Variants in NUB1 observed in about 807,000 individuals in gnomAD.
The protein encoded by NUB1 is negative regulator of ubiquitin like proteins 1.
A neutral mutation model predicts 77.1 loss-of-function variants in NUB1; 41 were observed. The ratio of observed to expected loss-of-function variants is 0.53; its 90% CI spans 0.41 to 0.69. NUB1 has a LOEUF of 0.69. Among genes scored for constraint, NUB1 ranks in the 30% least tolerant of loss-of-function variants. The probability of loss-of-function intolerance (pLI) is 0.00; values close to 1 mark genes in which losing one functional copy is unlikely to be tolerated. For missense variants in NUB1, 643 were observed against 743.8 expected, an observed-to-expected ratio of 0.86 and a Z score of 1.58; for synonymous variants, 257 against 281.0, an observed-to-expected ratio of 0.91 and a Z score of 0.85.
At position 151,355,950 on chromosome 7, in the gene NUB1, G is replaced by T; in HGVS notation, c.598G>T (p.Ala200Ser). ...KRGLEILAKRAAETVVDPEMT... is the reference protein window; with the variant it reads ...KRGLEILAKRSAETVVDPEMT... ...AGGACTAGAAATACTGGCAAAGAGAGGTACCCAGAGCTCTGGGCTTGTCAC... is the reference window on the plus strand; with the variant it reads ...AGGACTAGAAATACTGGCAAAGAGATGTACCCAGAGCTCTGGGCTTGTCAC... The change falls in exon 6 of 15, where the codon GCA becomes TCA. Residue 200 changes from alanine (A) to serine (S), a missense_variant and splice_region_variant. By Grantham distance (99) the Ala-to-Ser change is moderately conservative (BLOSUM62 1). Coordinates refer to ENST00000568733, the MANE Select transcript of NUB1 (RefSeq NM_001243351.2). The T allele has an allele frequency of 6.2e-7, 1 of 1,613,548 alleles. No homozygotes were observed. Among genetic ancestry groups the T allele is most frequent in the South Asian group, 1.1e-5 (1 of 91,008 alleles).
Position 151,356,173 on chromosome 7 carries a change from T to A in NUB1, c.644T>A (p.Ile215Lys), listed in dbSNP as rs1181518762. 1.2e-6 allele frequency: 2 copies of A among 1,613,926 alleles called. No homozygotes were observed. The highest frequency in any genetic ancestry group is 1.7e-6 in the Non-Finnish European group (2 of 1,179,828). ...VDPEMTPYLD[I>K]ANQTGRSIRI... is the part of the protein sequence containing the mutation. The stretch of plus-strand genomic sequence containing the variant: ...CCAGAAATGACACCGTACTTAGACA[T>A]AGCTAACCAGACAGGCAGATCAATC... The change falls in exon 7 of 15, where the codon ATA (isoleucine) becomes AAA (lysine). Residue 215 changes from isoleucine (I) to lysine (K), a missense_variant. By Grantham distance (102) the Ile-to-Lys change is moderately radical. Transcript: ENST00000568733.
In NUB1 at chr7:151,349,155, C is replaced by T. The variant is rs760956893; in HGVS notation, c.200C>T (p.Ala67Val). ...GTAATAGAAGAAATACGTTGCAAGG[C>T]AATTGAGCGTGGAACAGGAAATGAC... The part of the protein sequence containing the change: ...EKVIEEIRCK[A>V]IERGTGNDNY... The change falls in exon 3 of 15, where the codon GCA becomes GTA. Residue 67 changes from alanine to valine, a missense_variant. Coordinates refer to ENST00000568733, the MANE Select transcript of NUB1 (RefSeq NM_001243351.2). 1.6e-5 allele frequency: 26 copies of T among 1,613,154 alleles called. No individual in the cohort carries two copies. The highest frequency in any genetic ancestry group is 2.7e-5 in the African/African-American group (2 of 74,742).
At position 151,364,451 on chromosome 7, in the gene NUB1, A is replaced by C. The variant is rs558288601; in HGVS notation, c.801-2488A>C. Among the ~76,000 whole-genome samples, 438 of 151,936 alleles carry C rather than the reference A, an allele frequency of 2.9e-3. 1 individual carries two copies. Among genetic ancestry groups the C allele is most frequent in the African/African-American group, 9.9e-3 (412 of 41,488 alleles). On this transcript the variant is annotated intron_variant, in intron 8 of 14. Transcript: ENST00000568733. Reference sequence around the variant, plus strand: ...CAAAAACAAAAAAAAACAAAAAAAAAAACAAAAAAACTGTAAGACAAACAT... The same window carrying C: ...CAAAAACAAAAAAAAACAAAAAAAACAACAAAAAAACTGTAAGACAAACAT...
intron 7 of NUB1, among the ~76,000 whole-genome samples, chr7:151,358,518 C>T (rs903670867): frequency 6.6e-6 from 1 of 152,130 alleles, no homozygotes; most frequent in Non-Finnish European, 1.5e-5. Context: ...GGAGCATGAA[C>T]CCTATTGTGA....
chr7:151,346,423 A>G (rs1419098130), intron 2 of NUB1, among the ~76,000 whole-genome samples: 1 of 152,244 alleles, frequency 6.6e-6, no homozygotes, highest in African/African-American at 2.4e-5. Context: ...CTTTGTGCTC[A>G]TGAGGCTTGG....
At chr7:151,341,955 G>A in intron 1 of NUB1, 109 bp downstream of exon 1, 2 of 1,341,614 alleles carry the variant, frequency 1.5e-6, no homozygotes, top group Non-Finnish European at 1.9e-6. Flanking sequence ...TGGAGCGGCC[G>A]CGGGGCGGGG....
intron 4 of NUB1, 46 bp from the exon 5 acceptor site, chr7:151,352,766 A>G (rs1796877500): frequency 1.6e-6 from 2 of 1,233,896 alleles, no homozygotes; most frequent in African/African-American, 3.0e-5. Flanking sequence ...TGGATAATAA[A>G]TCGCAATTTT....
chr7:151,375,793 C>T, intron 12 of NUB1, 55 bp from the exon 13 acceptor site: 1 of 1,186,884 alleles, frequency 8.4e-7, no homozygotes. Context: ...CAGCGCCTGT[C>T]TGAATGTGTG....
At chr7:151,364,795 C>G (rs554746540) in intron 8 of NUB1, among the ~76,000 whole-genome samples, 28 of 151,216 alleles carry the variant, frequency 1.9e-4, no homozygotes, top group Non-Finnish European at 3.0e-4. Context: ...GGATTACAAG[C>G]GTGAGCCACT....
rs1214638229 is a variant in NUB1 at position 151,368,726 on chromosome 7, T to C, written c.1096-9T>C. On this transcript the variant is annotated splice_polypyrimidine_tract_variant and intron_variant, in intron 10 of 14. Coordinates refer to ENST00000568733, the MANE Select transcript of NUB1 (RefSeq NM_001243351.2). ...TGGTTACATGATTCTTACATTTCCC[T>C]GTCTCTAGGCACGTCAGCTCTTTAA... is the stretch of plus-strand genomic sequence containing the variant. 2 of 1,591,822 alleles carry C rather than the reference T, an allele frequency of 1.3e-6. No homozygotes were observed. Among genetic ancestry groups the C allele is most frequent in the East Asian group, 2.3e-5 (1 of 44,174 alleles).
In NUB1 at chr7:151,360,146, T is replaced by G. The variant is rs776867359; in HGVS notation, c.699T>G (p.Leu233=). ...AAATTTGTATTTTTTCCTAGGCCCTTATGTTAGCTATGGGATATCATGAGA... is the reference window on the plus strand; with the variant it reads ...AAATTTGTATTTTTTCCTAGGCCCTGATGTTAGCTATGGGATATCATGAGA... ...IRIPPSERKA[L]MLAMGYHEKG... is the part of the protein sequence containing the mutation. Residue 233 remains leucine, a synonymous_variant, in exon 8 of 15, where the codon CTT becomes CTG. Coordinates refer to ENST00000568733, the MANE Select transcript of NUB1 (RefSeq NM_001243351.2). 1 of 1,546,334 alleles carries G rather than the reference T, an allele frequency of 6.5e-7. No homozygotes were observed. Among genetic ancestry groups the G allele is most frequent in the East Asian group, 2.2e-5 (1 of 44,564 alleles).
intron 8 of NUB1, among the ~76,000 whole-genome samples, chr7:151,362,722 C>T (rs1563022062): frequency 6.6e-6 from 1 of 152,194 alleles, no homozygotes; most frequent in African/African-American, 2.4e-5. Context: ...AGCAAGCTGC[C>T]AGAGAGAGGG....
At chr7:151,369,289 T>G (rs1797853700) in intron 11 of NUB1, 1 of 154,130 alleles carries the variant, frequency 6.5e-6, no homozygotes, top group African/African-American at 2.4e-5. Flanking sequence ...ATTACAGGTG[T>G]GAGCCACCGC....
intron 8 of NUB1, among the ~76,000 whole-genome samples, chr7:151,365,744 C>T (rs187375458): frequency 4.7e-4 from 72 of 152,250 alleles, no homozygotes; most frequent in Non-Finnish European, 8.4e-4. Flanking sequence ...CAAACATTCA[C>T]GAAATTAGAA....
chr7:151,374,330 G>A (rs775250298), intron 12 of NUB1, 87 bp downstream of exon 12: 96 of 1,471,542 alleles, frequency 6.5e-5, no homozygotes, highest in Middle Eastern at 1.7e-4. Flanking sequence ...GCATCCTCCC[G>A]GGCTCACTCC....
intron 1 of NUB1, among the ~76,000 whole-genome samples, chr7:151,342,825 T>G (rs948605181): frequency 6.6e-6 from 1 of 152,190 alleles, no homozygotes; most frequent in East Asian, 1.9e-4. Context: ...ATGGCATCTT[T>G]TTAAAAATTT....
At chr7:151,370,097 C>CTT (rs574995266) in intron 11 of NUB1, among the ~76,000 whole-genome samples, 1 of 144,042 alleles carries the variant, frequency 6.9e-6, no homozygotes, top group East Asian at 2.0e-4. Context: ...AAGCTGAGTT[C>CTT]TTTTTTTTTT....
At chr7:151,348,022 A>G (rs1237026816) in intron 2 of NUB1, among the ~76,000 whole-genome samples, 3 of 152,190 alleles carry the variant, frequency 2.0e-5, no homozygotes, top group African/African-American at 7.2e-5. Context: ...GGATTTTGGA[A>G]TGTTTGCTTT....
intron 8 of NUB1, among the ~76,000 whole-genome samples, chr7:151,366,132 T>C (rs1480091312): frequency 6.6e-6 from 1 of 152,214 alleles, no homozygotes; most frequent in Non-Finnish European, 1.5e-5. Flanking sequence ...TTGATGGCTG[T>C]CTTTGTCAGT....
Sources: allele counts gnomAD v4.1 joint callset (sites outside exome capture counted in the v4.1 genomes callset), GRCh38; gene constraint gnomAD v4.1.1; transcripts MANE v1.5; gene names NCBI Gene and HGNC (gene_info 2026-07-23, HGNC 2026-07-21).